THRAP3: variants seen among roughly 807,000 people sequenced by gnomAD.
THRAP3 encodes thyroid hormone receptor associated protein 3, also known as thyroid hormone receptor-associated protein 3.
In THRAP3, 16 loss-of-function variants were observed where a neutral mutation model predicts 101.0. The observed-to-expected ratio is 0.16, with a 90% confidence interval of 0.11 to 0.24. THRAP3 has a LOEUF of 0.24. Among genes scored for constraint, THRAP3 ranks in the 10% least tolerant of loss-of-function variants. The pLI is 1.00. For synonymous variants in THRAP3, 407 were observed against 422.6 expected, an observed-to-expected ratio of 0.96 and a Z score of 0.45; for missense variants, 989 against 1,202.7, an observed-to-expected ratio of 0.82 and a Z score of 2.63.
At chr1:36,303,756 T>G (rs757302968) in intron 11 of THRAP3, 40 bp from the exon 12 acceptor site, 1 of 1,613,296 alleles carries the variant, frequency 6.2e-7, no homozygotes, top group South Asian at 1.1e-5. Context: ...GGCCACATCT[T>G]GTTCACTCTG....
In THRAP3 at chr1:36,237,219, A is replaced by G. The variant is rs546570319; in HGVS notation, c.-135+12714A>G. Among the ~76,000 whole-genome samples the G allele has an allele frequency of 1.2e-4, 18 of 152,104 alleles. No individual in the cohort carries two copies. In the East Asian group the frequency reaches 1.4e-3, roughly 11 times the overall value. ...ATGGTGGCTCATACCTGTAATTCCA[A>G]CACTTCAGGAGGCTGAGGCAGGTGG... On this transcript the variant is annotated intron_variant, in intron 1 of 11. Coordinates refer to ENST00000354618, the MANE Select transcript of THRAP3 (RefSeq NM_005119.4).
intron 2 of THRAP3, among the ~76,000 whole-genome samples, chr1:36,272,429 G>T (rs1252260085): frequency 6.6e-6 from 1 of 152,130 alleles, no homozygotes; most frequent in African/African-American, 2.4e-5. Context: ...GGAGTATGAG[G>T]CCTTGGCAGA....
At chr1:36,285,824 A>G (rs1345083070) in intron 3 of THRAP3, among the ~76,000 whole-genome samples, 1 of 152,228 alleles carries the variant, frequency 6.6e-6, no homozygotes, top group East Asian at 1.9e-4. Context: ...TGTTGTAACT[A>G]TACTTTTAAC....
chr1:36,217,380 G>A, the THRAP3 span, among the ~76,000 whole-genome samples: 1 of 152,156 alleles, frequency 6.6e-6, no homozygotes, highest in African/African-American at 2.4e-5. Context: ...AAGGAGAGAG[G>A]TCACTCAGGG....
At chr1:36,293,467 C>A (rs1447281733) in intron 7 of THRAP3, among the ~76,000 whole-genome samples, 1 of 152,090 alleles carries the variant, frequency 6.6e-6, no homozygotes, top group Non-Finnish European at 1.5e-5. Context: ...ATTTTAAAGC[C>A]CAGCAGGTTT....
At chr1:36,252,792 A>G (rs1645318859) in intron 1 of THRAP3, among the ~76,000 whole-genome samples, 1 of 151,586 alleles carries the variant, frequency 6.6e-6, no homozygotes. Context: ...TTGTAATCCC[A>G]GCTACTTGCA....
intron 2 of THRAP3, among the ~76,000 whole-genome samples, chr1:36,273,333 T>C (rs181319171): frequency 6.6e-6 from 1 of 152,204 alleles, no homozygotes; most frequent in Non-Finnish European, 1.5e-5. Flanking sequence ...TTCCCATTCT[T>C]TTAAGACAAG....
chr1:36,223,911 C>T (rs1451216756), upstream of THRAP3, among the ~76,000 whole-genome samples: 1 of 152,194 alleles, frequency 6.6e-6, no homozygotes, highest in African/African-American at 2.4e-5. Context: ...CTGTGCCTTA[C>T]TTTGTCGGAG....
intron 3 of THRAP3, among the ~76,000 whole-genome samples, chr1:36,283,167 A>G (rs181115273): frequency 4.6e-5 from 7 of 152,368 alleles, no homozygotes; most frequent in East Asian, 1.9e-4. Flanking sequence ...TTTGTATACA[A>G]TGTGCCAATT....
chr1:36,293,028 C>CTTTTTTTTTTT (rs71053920), intron 7 of THRAP3, among the ~76,000 whole-genome samples: 1,160 of 82,800 alleles, frequency 0.014, 138 homozygotes, highest in Middle Eastern at 0.02. Context: ...CTTTTCTTGT[C>CTTTTTTTTTTT]TTTTTTTTTT....
upstream of THRAP3, among the ~76,000 whole-genome samples, chr1:36,221,701 A>G (rs1378239338): frequency 6.6e-6 from 1 of 152,132 alleles, no homozygotes; most frequent in African/African-American, 2.4e-5. Context: ...CTCGTGCCTC[A>G]ACATCCCGAG....
rs779240597 is a variant in THRAP3, at chr1:36,295,576, C to CCTT, written c.2116-1006_2116-1005insTTC. Among the ~76,000 whole-genome samples, 1,397 of 142,536 alleles carry CCTT rather than the reference C, an allele frequency of 9.8e-3. 17 individuals are homozygous for CCTT. Among genetic ancestry groups the CCTT allele is most frequent in the African/African-American group, 0.034 (1,329 of 38,544 alleles). The allele number at this position is 142,536 out of a possible 152,430, so 93.5% of individuals were successfully genotyped here. A position where few individuals can be genotyped will look rare whatever the true frequency, so the allele number is the denominator to read the frequency against. ...TCCTTCCTTCCTTCCTTCCTTCCTT[C>CCTT]CCTCCTCCCTTCCTTCCTCCCTCCC... On this transcript the variant is annotated intron_variant, in intron 8 of 11. Coordinates refer to ENST00000354618, the MANE Select transcript of THRAP3 (RefSeq NM_005119.4).
At chr1:36,258,648 T>G (rs188543280) in intron 1 of THRAP3, among the ~76,000 whole-genome samples, 11 of 151,816 alleles carry the variant, frequency 7.2e-5, no homozygotes, top group Admixed American at 7.2e-4. Flanking sequence ...GCTAATTTTG[T>G]TTTTGTATTT....
At chr1:36,289,904 C>A in intron 5 of THRAP3, 140 bp downstream of exon 5, 1 of 1,225,362 alleles carries the variant, frequency 8.2e-7, no homozygotes, top group Non-Finnish European at 1.1e-6. Flanking sequence ...CACCTGTGTT[C>A]ACTGGAGAGT....
intron 2 of THRAP3, 115 bp from the exon 3 acceptor site, chr1:36,282,418 T>A: frequency 2.9e-6 from 2 of 690,052 alleles, no homozygotes; most frequent in South Asian, 2.2e-5. Flanking sequence ...TTTTTGTAGA[T>A]ATGGGGTCTT....
chr1:36,283,814 A>C (rs1481805718), intron 3 of THRAP3, among the ~76,000 whole-genome samples: 2 of 152,230 alleles, frequency 1.3e-5, no homozygotes, highest in Non-Finnish European at 2.9e-5. Context: ...TCTATTAAAC[A>C]AAGGATTAGT....
chr1:36,293,173 C>T (rs556124053), intron 7 of THRAP3, among the ~76,000 whole-genome samples: 7 of 151,862 alleles, frequency 4.6e-5, no homozygotes, highest in East Asian at 3.9e-4. Context: ...GGATTACAAA[C>T]GTGTGCCACC....
At chr1:36,247,890 T>G (rs947980615) in intron 1 of THRAP3, among the ~76,000 whole-genome samples, 6 of 149,640 alleles carry the variant, frequency 4.0e-5, no homozygotes, top group Admixed American at 2.0e-4. Flanking sequence ...TTTTTTTTTT[T>G]GGGAGATGGA....
chr1:36,298,133 T>G (rs1286860360), intron 9 of THRAP3, among the ~76,000 whole-genome samples: 1 of 110,808 alleles, frequency 9.0e-6, no homozygotes, highest in African/African-American at 3.6e-5. Context: ...GGCGACAGAG[T>G]GAGACTTCAT....
Sources: gnomAD v4.1 joint callset for allele counts (sites outside exome capture counted in the v4.1 genomes callset) on GRCh38, gnomAD v4.1.1 for gene constraint, MANE v1.5 for transcripts, NCBI Gene and HGNC (gene_info 2026-07-23, HGNC 2026-07-21) for gene names.